Variants in CNTNAP5 observed in about 807,000 individuals in gnomAD.
CNTNAP5 encodes contactin associated protein family member 5.
A neutral mutation model predicts 150.2 loss-of-function variants in CNTNAP5; 72 were observed. The ratio of observed to expected loss-of-function variants is 0.48; its 90% confidence interval spans 0.40 to 0.58. CNTNAP5 has a LOEUF of 0.58. CNTNAP5 is among the 20% of genes least tolerant of loss of function. The probability of loss-of-function intolerance (pLI) is 0.00; values close to 1 mark genes in which losing one functional copy is unlikely to be tolerated. For missense variants in CNTNAP5, 1,636 were observed against 1,626.2 expected, an observed-to-expected ratio of 1.01 and a Z score of -0.10; for synonymous variants, 672 against 619.8, an observed-to-expected ratio of 1.08 and a Z score of -1.25.
At chr2:124,485,002 G>T (rs775878181) in intron 7 of CNTNAP5, among the ~76,000 whole-genome samples, 2 of 152,082 alleles carry the variant, frequency 1.3e-5, no homozygotes, top group Non-Finnish European at 2.9e-5. Flanking sequence ...ACCGGACACT[G>T]GATTTGTTCC....
At chr2:124,407,366 T>A (rs1691600140) in intron 3 of CNTNAP5, among the ~76,000 whole-genome samples, 2 of 152,172 alleles carry the variant, frequency 1.3e-5, no homozygotes, top group Non-Finnish European at 2.9e-5. Flanking sequence ...TTGAAAGCTA[T>A]TTTTTTGAGG....
At chr2:124,709,322 A>G (rs140396851) in intron 13 of CNTNAP5, among the ~76,000 whole-genome samples, 1 of 152,086 alleles carries the variant, frequency 6.6e-6, no homozygotes. Context: ...ATAAATGAAG[A>G]CATTATTTCT....
At chr2:124,100,775 G>A (rs1683045173) in intron 1 of CNTNAP5, among the ~76,000 whole-genome samples, 1 of 145,230 alleles carries the variant, frequency 6.9e-6, no homozygotes, top group South Asian at 2.2e-4. Context: ...TGAGGCACTA[G>A]AATCATTTGA....
chr2:124,327,114 G>A (rs1256448854), intron 3 of CNTNAP5, among the ~76,000 whole-genome samples: 1 of 151,516 alleles, frequency 6.6e-6, no homozygotes, highest in Admixed American at 6.6e-5. Context: ...CCAAGTAGCG[G>A]GGACTACAGG....
At chr2:124,128,568 C>G (rs576065291) in intron 1 of CNTNAP5, among the ~76,000 whole-genome samples, 1 of 152,250 alleles carries the variant, frequency 6.6e-6, no homozygotes, top group East Asian at 1.9e-4. Context: ...TGGGTATATA[C>G]CCAAAGAATG....
intron 5 of CNTNAP5, among the ~76,000 whole-genome samples, chr2:124,439,043 AAAT>A (rs1430079357): frequency 1.3e-5 from 2 of 152,168 alleles, no homozygotes; most frequent in African/African-American, 4.8e-5. Flanking sequence ...TTTATAAAAC[AAAT>A]AATAAAAATT....
chr2:124,362,238 C>T (rs370772035), intron 3 of CNTNAP5, among the ~76,000 whole-genome samples: 8 of 152,350 alleles, frequency 5.3e-5, no homozygotes, highest in South Asian at 2.1e-4. Context: ...GAACCCGGTA[C>T]GTCACATGGA....
intron 6 of CNTNAP5, among the ~76,000 whole-genome samples, chr2:124,450,800 A>G (rs145141420): frequency 1.3e-5 from 2 of 151,514 alleles, no homozygotes; most frequent in African/African-American, 4.8e-5. Flanking sequence ...TTCTTATCAA[A>G]AGTGCTCAGT....
chr2:124,493,944 G>A, intron 7 of CNTNAP5, among the ~76,000 whole-genome samples: 1 of 130,934 alleles, frequency 7.6e-6, no homozygotes, highest in East Asian at 2.6e-4. Flanking sequence ...AAGTAGTTTG[G>A]AGACAAAAGA....
chr2:124,472,960 G>A (rs975090027), intron 6 of CNTNAP5, among the ~76,000 whole-genome samples: 3 of 151,904 alleles, frequency 2.0e-5, no homozygotes, highest in Non-Finnish European at 4.4e-5. Flanking sequence ...ACAAGGTATT[G>A]CCTGTATCTC....
intron 13 of CNTNAP5, among the ~76,000 whole-genome samples, chr2:124,665,110 GA>G (rs1678671180): frequency 6.6e-6 from 1 of 151,080 alleles, no homozygotes; most frequent in East Asian, 1.9e-4. Flanking sequence ...GCAAAAACAG[GA>G]AAAAAAGAAA....
chr2:124,269,710 G>C (rs1687694793), intron 3 of CNTNAP5, among the ~76,000 whole-genome samples: 2 of 152,166 alleles, frequency 1.3e-5, no homozygotes, highest in Admixed American at 1.3e-4. Context: ...ATTGGTAGCT[G>C]GCTGCAGGAT....
chr2:124,664,431 G>C (rs986304188), intron 13 of CNTNAP5, among the ~76,000 whole-genome samples: 14 of 151,766 alleles, frequency 9.2e-5, no homozygotes, highest in Non-Finnish European at 1.9e-4. Context: ...GCTTAAAACA[G>C]CATCCTTTCA....
chr2:124,295,390 T>C (rs1276677255), intron 3 of CNTNAP5, among the ~76,000 whole-genome samples: 2 of 152,154 alleles, frequency 1.3e-5, no homozygotes, highest in Non-Finnish European at 2.9e-5. Context: ...CTCGAATATA[T>C]AGAGAAGACT....
intron 13 of CNTNAP5, among the ~76,000 whole-genome samples, chr2:124,724,944 T>TTTTA (rs58742527): frequency 6.7e-6 from 1 of 149,418 alleles, no homozygotes; most frequent in Admixed American, 6.7e-5. Flanking sequence ...TTTTTTTTTT[T>TTTTA]AAAGGAGATT....
chr2:124,855,625 C>T lies in CNTNAP5; in HGVS notation c.3218-9681C>T, dbSNP rs143416024. ...ATTATGTTCTTGTACAACCAATGTA[C>T]GAGAGTATTTACCCTAAGTCCCAGC... On this transcript the variant is annotated intron_variant, in intron 19 of 23. Transcript: ENST00000682447. Among the ~76,000 whole-genome samples, 16 of 152,182 alleles carry T rather than the reference C, an allele frequency of 1.1e-4. No homozygotes were observed. The East Asian group carries it at 1.5e-3, about 15-fold the overall frequency.
chr2:124,832,491 AC>A lies in CNTNAP5; in HGVS notation c.3218-32814del, dbSNP rs1170497573. Among the ~76,000 whole-genome samples the A allele has an allele frequency of 8.5e-5, 13 of 152,296 alleles. No homozygotes were observed. The East Asian group carries it at 2.5e-3, about 29-fold the overall frequency. On this transcript the variant is annotated intron_variant, in intron 19 of 23. Transcript: ENST00000682447. ...GACAATTAGACCTAAATTATTTCCA[AC>A]AAAATTGGAACCTTTTTCCATGACT...
At chr2:124,402,846 T>C (rs1691465248) in intron 3 of CNTNAP5, among the ~76,000 whole-genome samples, 1 of 152,248 alleles carries the variant, frequency 6.6e-6, no homozygotes, top group African/African-American at 2.4e-5. Flanking sequence ...ATCTATCATT[T>C]CAGAGTTCCT....
chr2:124,163,565 A>G (rs1043253460), intron 1 of CNTNAP5, among the ~76,000 whole-genome samples: 4 of 152,114 alleles, frequency 2.6e-5, no homozygotes, highest in Non-Finnish European at 5.9e-5. Context: ...ACAACAAAAA[A>G]TGCTAACTAC....
Sources: allele counts gnomAD v4.1 joint callset (sites outside exome capture counted in the v4.1 genomes callset), GRCh38; gene constraint gnomAD v4.1.1; transcripts MANE v1.5; gene names NCBI Gene and HGNC (gene_info 2026-07-23, HGNC 2026-07-21).